Variants in ZBTB7C observed in about 807,000 individuals in gnomAD.
ZBTB7C encodes the protein zinc finger and BTB domain containing 7C.
ZBTB7C carries 8 observed loss-of-function variants against 25.7 expected under a neutral mutation model. That is an observed-to-expected ratio of 0.31 (90% confidence interval 0.18 to 0.56). The LOEUF (loss-of-function observed/expected upper bound fraction) is 0.56. ZBTB7C is among the 20% of genes least tolerant of loss of function. ZBTB7C has a pLI of 0.91. For synonymous variants in ZBTB7C, 394 were observed against 369.0 expected (o/e 1.07, Z -0.78); for missense variants, 824 against 855.2 (o/e 0.96, Z 0.46).
intron 2 of ZBTB7C, among the ~76,000 whole-genome samples, chr18:48,228,234 T>A (rs188329382): frequency 6.6e-6 from 1 of 152,206 alleles, no homozygotes; most frequent in Non-Finnish European, 1.5e-5. Flanking sequence ...GGTCCTCCAC[T>A]CACATCCTCA....
At position 48,180,329 on chromosome 18, in the gene ZBTB7C, C is replaced by T. The variant is rs79923012; in HGVS notation, c.-17+5605G>A. ...GATAAATGTTGATTTCCCCAGCACA[C>T]CTGTTCATATTTCAGATGGAAATGT... On this transcript the variant is annotated intron_variant, in intron 3 of 4. Coordinates refer to ENST00000590800, the MANE Select transcript of ZBTB7C (RefSeq NM_001318841.2). The T allele has an allele frequency of 4.8e-3, 2,212 of 456,578 alleles. 48 individuals carry two copies. Among genetic ancestry groups the T allele is most frequent in the African/African-American group, 0.039 (1,947 of 50,134 alleles). The allele number at this position is 456,578 out of a possible 1,614,324, so 28.3% of individuals were successfully genotyped here.
chr18:48,228,747 T>TCACA (rs55895960), intron 2 of ZBTB7C, among the ~76,000 whole-genome samples: 7,140 of 141,090 alleles, frequency 0.051, 650 homozygotes, highest in African/African-American at 0.18. Flanking sequence ...TCTCTCTCTC[T>TCACA]CACACACACA....
At chr18:48,332,907 T>A (rs2046373953) in intron 2 of ZBTB7C, among the ~76,000 whole-genome samples, 1 of 152,064 alleles carries the variant, frequency 6.6e-6, no homozygotes, top group African/African-American at 2.4e-5. Flanking sequence ...CCCAAATTTT[T>A]AAAAACCAAA....
intron 4 of ZBTB7C, among the ~76,000 whole-genome samples, chr18:48,039,461 C>T (rs1363240200): frequency 2.6e-5 from 4 of 152,188 alleles, no homozygotes; most frequent in Non-Finnish European, 5.9e-5. Context: ...GTGCCGAGGA[C>T]GGCCCCTGGC....
At position 48,172,949 on chromosome 18, in the gene ZBTB7C, C is replaced by A. The variant is rs548620596; in HGVS notation, c.-17+12985G>T. Among the ~76,000 whole-genome samples the A allele has an allele frequency of 4.0e-4, 61 of 152,310 alleles. 1 individual carries two copies. In the South Asian group the frequency reaches 0.011, roughly 27 times the overall value. ...TGGGGTGGAACAGCAGCCTCTGGCA[C>A]AGCCATGAACTCACTGCAGAGTAAC... On this transcript the variant is annotated intron_variant, in intron 3 of 4. Transcript: ENST00000590800.
intron 3 of ZBTB7C, among the ~76,000 whole-genome samples, chr18:48,073,839 C>T (rs2037650430): frequency 6.6e-6 from 1 of 152,058 alleles, no homozygotes; most frequent in Non-Finnish European, 1.5e-5. Flanking sequence ...TGCACAAAGC[C>T]CTATCCTCTC....
Position 48,061,911 on chromosome 18 carries a change from A to G in ZBTB7C, c.-16-20788T>C, listed in dbSNP as rs546319713. Reference sequence around the variant, plus strand: ...CAGTATCACTTCTACTGTCGAAAGCAGGAAATGACCTGGGAGCATCAGTAA... The same window carrying G: ...CAGTATCACTTCTACTGTCGAAAGCGGGAAATGACCTGGGAGCATCAGTAA... On this transcript the variant is annotated intron_variant, in intron 3 of 4. Coordinates refer to ENST00000590800, the MANE Select transcript of ZBTB7C (RefSeq NM_001318841.2). 1.9e-4 allele frequency among the ~76,000 whole-genome samples: 29 copies of G among 152,310 alleles called. No homozygotes were observed. In the South Asian group the frequency reaches 6.0e-3, roughly 32 times the overall value.
chr18:48,240,668 C>CACCAATT, intron 2 of ZBTB7C, among the ~76,000 whole-genome samples: 1 of 152,244 alleles, frequency 6.6e-6, no homozygotes, highest in East Asian at 1.9e-4. Flanking sequence ...CCACTCCAAG[C>CACCAATT]CAGCACTACA....
intron 2 of ZBTB7C, among the ~76,000 whole-genome samples, chr18:48,317,723 G>A (rs1215250568): frequency 1.3e-5 from 2 of 152,128 alleles, no homozygotes; most frequent in South Asian, 2.1e-4. Context: ...ACAAGTCAAC[G>A]TCCCAGGTCC....
At chr18:48,115,453 T>C (rs1052661864) in intron 3 of ZBTB7C, among the ~76,000 whole-genome samples, 1 of 152,068 alleles carries the variant, frequency 6.6e-6, no homozygotes, top group Non-Finnish European at 1.5e-5. Flanking sequence ...GGTTTCACCG[T>C]GGTCTCGATC....
intron 1 of ZBTB7C, among the ~76,000 whole-genome samples, chr18:48,367,392 T>C (rs1433405637): frequency 7.6e-6 from 1 of 131,100 alleles, no homozygotes; most frequent in African/African-American, 3.1e-5. Context: ...CAGAAGACTC[T>C]AAAAGGTAAC....
chr18:48,384,028 A>G (rs2047691847), intron 1 of ZBTB7C, among the ~76,000 whole-genome samples: 1 of 152,242 alleles, frequency 6.6e-6, no homozygotes, highest in African/African-American at 2.4e-5. Context: ...ATGTGAAATC[A>G]GGAGCCTGAA....
At chr18:48,408,531 T>G (rs1010117957) in intron 1 of ZBTB7C, 1 of 152,236 alleles carries the variant, frequency 6.6e-6, no homozygotes, top group Non-Finnish European at 1.5e-5. Context: ...CAAGGATCTT[T>G]GAGTCCTGCA....
chr18:48,393,443 C>T (rs141647283), intron 1 of ZBTB7C, among the ~76,000 whole-genome samples: 5 of 152,230 alleles, frequency 3.3e-5, no homozygotes, highest in Non-Finnish European at 5.9e-5. Flanking sequence ...GACTGTCTCT[C>T]ACTATAAAGT....
intron 1 of ZBTB7C, among the ~76,000 whole-genome samples, chr18:48,357,152 C>T (rs2145076442): frequency 6.6e-6 from 1 of 152,328 alleles, no homozygotes; most frequent in South Asian, 2.1e-4. Flanking sequence ...TTGAAACACA[C>T]CGGAAGGTCT....
intron 2 of ZBTB7C, among the ~76,000 whole-genome samples, chr18:48,323,807 C>T (rs569383245): frequency 1.2e-4 from 19 of 152,084 alleles, no homozygotes; most frequent in African/African-American, 3.4e-4. Context: ...TATTAAACAT[C>T]TACTTATAAC....
rs72924031 is a variant in ZBTB7C at position 48,200,846 on chromosome 18, C to T, written c.-78-14851G>A. The stretch of plus-strand genomic sequence containing the variant: ...TGGGCTCTCTATGGGGAAGCTGACA[C>T]TTGGCCCAGGTCCCCACCTGCCTCT... On this transcript the variant is annotated intron_variant, in intron 2 of 4. Transcript: ENST00000590800. Among the ~76,000 whole-genome samples, 222 of 152,348 alleles carry T rather than the reference C, an allele frequency of 1.5e-3. 1 individual carries two copies. The highest frequency in any genetic ancestry group is 0.01 in the Middle Eastern group (3 of 294).
At chr18:48,250,589 A>G (rs1401193921) in intron 2 of ZBTB7C, among the ~76,000 whole-genome samples, 1 of 152,124 alleles carries the variant, frequency 6.6e-6, no homozygotes, top group Non-Finnish European at 1.5e-5. Flanking sequence ...ACCCAGTCCC[A>G]AACTTGGAAT....
At chr18:48,383,016 G>A (rs1187609201) in intron 1 of ZBTB7C, among the ~76,000 whole-genome samples, 1 of 152,080 alleles carries the variant, frequency 6.6e-6, no homozygotes, top group African/African-American at 2.4e-5. Flanking sequence ...AATTTTGCCA[G>A]GCCACATGTG....
Sources: gnomAD v4.1 joint callset for allele counts (sites outside exome capture counted in the v4.1 genomes callset) on GRCh38, gnomAD v4.1.1 for gene constraint, MANE v1.5 for transcripts, NCBI Gene and HGNC (gene_info 2026-07-23, HGNC 2026-07-21) for gene names.